Variants in SDK1 observed in about 807,000 individuals in gnomAD.
The protein encoded by SDK1 is protein sidekick-1.
SDK1 carries 157 observed loss-of-function variants against 245.5 expected under a neutral mutation model. The observed-to-expected ratio is 0.64, with a 90% CI of 0.56 to 0.73. SDK1 has a LOEUF of 0.73. Ranked by LOEUF, SDK1 falls within the 30% of genes least tolerant of loss-of-function variation. The pLI, the probability that SDK1 is intolerant of heterozygous loss-of-function variation, is 0.00. For missense variants in SDK1, 3,583 were observed against 3,002.3 expected (o/e 1.19, Z -4.52); for synonymous variants, 1,647 against 1,278.5 (o/e 1.29, Z -6.15).
intron 34 of SDK1, among the ~76,000 whole-genome samples, chr7:4,177,316 C>T (rs1246713224): frequency 2.0e-5 from 3 of 152,212 alleles, no homozygotes; most frequent in Non-Finnish European, 4.4e-5. Context: ...CTCGGAAAAG[C>T]CAAGCCACCC....
intron 1 of SDK1, among the ~76,000 whole-genome samples, chr7:3,544,727 C>G (rs1779163308): frequency 6.6e-6 from 1 of 152,152 alleles, no homozygotes; most frequent in African/African-American, 2.4e-5. Flanking sequence ...ACCATAAAAT[C>G]AGGAAATCTA....
chr7:3,759,584 CATTATTATTATTATT>C (rs4039584), intron 4 of SDK1, among the ~76,000 whole-genome samples: 1 of 145,864 alleles, frequency 6.9e-6, no homozygotes, highest in African/African-American at 2.5e-5. Flanking sequence ...AAATTTTTTT[CATTATTATTATTATT>C]ATTATTATTA....
chr7:4,132,461 C>T, intron 28 of SDK1, 38 bp downstream of exon 28: 1 of 1,463,080 alleles, frequency 6.8e-7, no homozygotes, highest in Non-Finnish European at 9.4e-7. Context: ...GTGGCTCAGG[C>T]CTGTCATCCC....
intron 5 of SDK1, among the ~76,000 whole-genome samples, chr7:3,871,642 C>T (rs1168070790): frequency 1.3e-5 from 2 of 152,160 alleles, no homozygotes; most frequent in African/African-American, 4.8e-5. Flanking sequence ...GCAGAGATCC[C>T]AGGGCAAGAG....
rs1439349339 is a variant in SDK1 at position 3,645,667 on chromosome 7, T to C, written c.713+3562T>C. Among the ~76,000 whole-genome samples the C allele has an allele frequency of 2.6e-5, 4 of 152,168 alleles. No homozygotes were observed. In the South Asian group the frequency reaches 6.2e-4, roughly 24 times the overall value. ...AACCCAATATATTGCTTTCCATGTC[T>C]AAGAAAGTACAGTTTTTGACTGAAG... is the stretch of plus-strand genomic sequence containing the variant. On this transcript the variant is annotated intron_variant, in intron 4 of 44. Coordinates refer to ENST00000404826, the MANE Select transcript of SDK1 (RefSeq NM_152744.4).
At chr7:3,441,486 A>G (rs888734186) in intron 1 of SDK1, among the ~76,000 whole-genome samples, 2 of 152,134 alleles carry the variant, frequency 1.3e-5, no homozygotes, top group Non-Finnish European at 2.9e-5. Flanking sequence ...CCTTCACTGA[A>G]TTGCCTATTC....
At chr7:3,605,601 GA>G (rs1781397506) in intron 1 of SDK1, among the ~76,000 whole-genome samples, 1 of 152,050 alleles carries the variant, frequency 6.6e-6, no homozygotes, top group African/African-American at 2.4e-5. Context: ...TTGAATAATA[GA>G]AATGTCACCT....
At position 4,149,427 on chromosome 7, in the gene SDK1, C is replaced by T. The variant is rs1188818891; in HGVS notation, c.4589C>T (p.Ser1530Phe). The part of the protein sequence containing the change: ...PRGEWQTYSS[S>F]ISHEATACVV... ...GGTGAGTGGCAGACCTACTCCTCGTCCATCAGCCATGAGGCGACAGCATGC... is the reference window on the plus strand; with the variant it reads ...GGTGAGTGGCAGACCTACTCCTCGTTCATCAGCCATGAGGCGACAGCATGC... The change falls in exon 30 of 45, where the codon TCC (serine) becomes TTC (phenylalanine). Residue 1530 changes from serine (S) to phenylalanine (F), a missense_variant. Transcript: ENST00000404826. 2 of 1,568,804 alleles carry T rather than the reference C, an allele frequency of 1.3e-6. No individual in the cohort carries two copies. Among genetic ancestry groups the T allele is most frequent in the African/African-American group, 1.4e-5 (1 of 72,996 alleles).
At chr7:3,476,913 C>T (rs1781362479) in intron 1 of SDK1, among the ~76,000 whole-genome samples, 1 of 152,056 alleles carries the variant, frequency 6.6e-6, no homozygotes, top group Admixed American at 6.5e-5. Context: ...AAGAGGAACT[C>T]CTCTAACTGG....
chr7:3,888,839 G>T (rs149709179), intron 5 of SDK1, among the ~76,000 whole-genome samples: 2 of 152,080 alleles, frequency 1.3e-5, no homozygotes, highest in Non-Finnish European at 2.9e-5. Flanking sequence ...ACTCATTCTC[G>T]TATTCTATAT....
chr7:3,766,100 A>G lies in SDK1; in HGVS notation c.714-55350A>G, dbSNP rs543274814. ...GATGACATTTCTGGCCGGTTGACCA[A>G]AATTTTTGGTGATGAGTAGAAACTT... On this transcript the variant is annotated intron_variant, in intron 4 of 44. Transcript: ENST00000404826. 5.3e-5 allele frequency among the ~76,000 whole-genome samples: 8 copies of G among 152,322 alleles called. No homozygotes were observed. The East Asian group carries it at 5.8e-4, about 11-fold the overall frequency.
In SDK1 at chr7:4,266,073, C is replaced by A; in HGVS notation, c.*689C>A. 1.0e-6 allele frequency: 1 copy of A among 985,442 alleles called. No homozygotes were observed. The highest frequency in any genetic ancestry group is 1.2e-6 in the Non-Finnish European group (1 of 829,980). The allele number at this position is 985,442 out of a possible 1,614,324, so 61.0% of individuals were successfully genotyped here. On this transcript the variant is annotated 3_prime_UTR_variant, in exon 45 of 45. Transcript: ENST00000404826. ...TCCTCAGGCTTTTCTGCCTGTCTTT[C>A]CCCCTTCCTTCTCACCTGACAGCGA...
intron 32 of SDK1, among the ~76,000 whole-genome samples, chr7:4,165,887 A>G (rs1190155332): frequency 6.6e-6 from 1 of 152,086 alleles, no homozygotes; most frequent in African/African-American, 2.4e-5. Context: ...CCTGGGCTCA[A>G]GCAATCCTCC....
Position 3,531,429 on chromosome 7 carries a change from A to G in SDK1, c.299-87651A>G, listed in dbSNP as rs561483417. On this transcript the variant is annotated intron_variant, in intron 1 of 44. Transcript: ENST00000404826. ...AAATTTAAATTTTTTATTTTCTTAA[A>G]TTTTGCATATTGAATTTAGCTACCA... Among the ~76,000 whole-genome samples, 5 of 152,252 alleles carry G rather than the reference A, an allele frequency of 3.3e-5. No individual in the cohort carries two copies. In the South Asian group the frequency reaches 1.0e-3, roughly 32 times the overall value.
chr7:4,224,812 C>G (rs1785328435), intron 40 of SDK1, among the ~76,000 whole-genome samples: 2 of 151,392 alleles, frequency 1.3e-5, no homozygotes, highest in African/African-American at 4.9e-5. Context: ...GAAACCCAGT[C>G]TGTACTACAA....
chr7:3,929,104 C>G (rs988647719), intron 5 of SDK1, among the ~76,000 whole-genome samples: 3 of 152,236 alleles, frequency 2.0e-5, no homozygotes, highest in African/African-American at 7.2e-5. Context: ...GGAGTCTAGG[C>G]TGCCTCAGGA....
At chr7:4,243,968 G>T (rs189102156) in intron 43 of SDK1, among the ~76,000 whole-genome samples, 2 of 152,284 alleles carry the variant, frequency 1.3e-5, no homozygotes. Flanking sequence ...TAGCTCCTTA[G>T]ATAAAAAGAT....
intron 1 of SDK1, among the ~76,000 whole-genome samples, chr7:3,343,359 C>T (rs1450599919): frequency 6.6e-6 from 1 of 152,174 alleles, no homozygotes; most frequent in Admixed American, 6.5e-5. Flanking sequence ...TATTGATGCA[C>T]CTACTGTGAA....
intron 13 of SDK1, among the ~76,000 whole-genome samples, chr7:3,982,212 G>A (rs1205481831): frequency 1.3e-5 from 2 of 152,196 alleles, no homozygotes; most frequent in Non-Finnish European, 1.5e-5. Context: ...TCTGTTTACA[G>A]CATGTTTTAC....
Sources: gnomAD v4.1 joint callset for allele counts (sites outside exome capture counted in the v4.1 genomes callset) on GRCh38, gnomAD v4.1.1 for gene constraint, MANE v1.5 for transcripts, NCBI Gene and HGNC (gene_info 2026-07-23, HGNC 2026-07-21) for gene names.